Variants in PDE1A observed in about 807,000 individuals in gnomAD.
PDE1A encodes the protein dual specificity calcium/calmodulin-dependent 3',5'-cyclic nucleotide phosphodiesterase 1A.
PDE1A carries 35 observed loss-of-function variants against 61.7 expected under a neutral mutation model. The observed-to-expected ratio is 0.57, with a 90% CI of 0.43 to 0.75. PDE1A has a LOEUF of 0.75. Among genes scored for constraint, PDE1A ranks in the 30% least tolerant of loss-of-function variants. The pLI is 0.00. For synonymous variants in PDE1A, 232 were observed against 213.2 expected (o/e 1.09, Z -0.77); for missense variants, 597 against 630.6 (o/e 0.95, Z 0.57).
rs566381412 is a variant in PDE1A at position 182,418,884 on chromosome 2, A to C, written c.53+7694T>G. On this transcript the variant is annotated intron_variant, in intron 1 of 13. Coordinates refer to ENST00000351439, the Ensembl canonical transcript of PDE1A. ...AGATGCATGGAAAAGACCCACTGAT[A>C]TCAACCAAGCCTGGCACAAATCAGC... Among the ~76,000 whole-genome samples the C allele has an allele frequency of 1.1e-3, 162 of 152,260 alleles. No homozygotes were observed. The Middle Eastern group carries it at 0.02, about 19-fold the overall frequency.
intron 1 of PDE1A, among the ~76,000 whole-genome samples, chr2:182,408,383 C>T (rs1473324136): frequency 6.6e-6 from 1 of 152,148 alleles, no homozygotes; most frequent in Admixed American, 6.5e-5. Context: ...CAGAGCTTCA[C>T]TTTTAATTTC....
chr2:182,233,424 G>A (rs1689743106), intron 4 of PDE1A, among the ~76,000 whole-genome samples: 1 of 151,994 alleles, frequency 6.6e-6, no homozygotes, highest in African/African-American at 2.4e-5. Flanking sequence ...CTGACAGGAG[G>A]CAGAGAAACA....
downstream of PDE1A, among the ~76,000 whole-genome samples, chr2:182,144,805 T>G (rs2125257164): frequency 6.6e-6 from 1 of 152,310 alleles, no homozygotes; most frequent in Non-Finnish European, 1.5e-5. Context: ...TTCAAAAAAC[T>G]TTGGGCCAAT....
At chr2:182,668,617 AG>A in the PDE1A span, among the ~76,000 whole-genome samples, 1 of 152,142 alleles carries the variant, frequency 6.6e-6, no homozygotes. Context: ...AAGAACACTC[AG>A]GGGGCTGCAG....
the PDE1A span, among the ~76,000 whole-genome samples, chr2:182,538,292 AAGAG>A: frequency 6.6e-6 from 1 of 152,124 alleles, no homozygotes; most frequent in African/African-American, 2.4e-5. Context: ...CTCCCATGGC[AAGAG>A]AGACTGTGCC....
intron 2 of PDE1A, among the ~76,000 whole-genome samples, chr2:182,433,476 T>G (rs756901737): frequency 6.6e-6 from 1 of 152,102 alleles, no homozygotes; most frequent in Non-Finnish European, 1.5e-5. Flanking sequence ...TGTTCAAGTC[T>G]ACAGCCCTTG....
the PDE1A span, among the ~76,000 whole-genome samples, chr2:182,613,851 T>C: frequency 6.6e-6 from 1 of 152,192 alleles, no homozygotes; most frequent in South Asian, 2.1e-4. Flanking sequence ...ACAGTGATAC[T>C]CAACATCTTT....
chr2:182,335,888 C>G (rs1252916165), intron 1 of PDE1A, among the ~76,000 whole-genome samples: 1 of 152,028 alleles, frequency 6.6e-6, no homozygotes, highest in African/African-American at 2.4e-5. Flanking sequence ...GGCTAATATC[C>G]AGAATCTACA....
chr2:182,198,955 A>T (rs1018237526), intron 10 of PDE1A, among the ~76,000 whole-genome samples: 3 of 152,010 alleles, frequency 2.0e-5, no homozygotes, highest in African/African-American at 7.2e-5. Context: ...AATCGGAAAT[A>T]AGAATTAAAG....
chr2:182,686,592 T>C, the PDE1A span, among the ~76,000 whole-genome samples: 3 of 152,302 alleles, frequency 2.0e-5, no homozygotes, highest in East Asian at 5.8e-4. Context: ...AGTCTACAGC[T>C]CCCAGTGTGA....
chr2:182,306,482 AC>A (rs1468987821), intron 1 of PDE1A, among the ~76,000 whole-genome samples: 3 of 151,912 alleles, frequency 2.0e-5, no homozygotes, highest in Non-Finnish European at 2.9e-5. Flanking sequence ...GGAACCACAC[AC>A]ACACACACAC....
At chr2:182,293,290 C>A (rs1189059736) in intron 1 of PDE1A, among the ~76,000 whole-genome samples, 1 of 151,964 alleles carries the variant, frequency 6.6e-6, no homozygotes, top group Non-Finnish European at 1.5e-5. Flanking sequence ...AACGCAACAA[C>A]CCTTGTATCA....
rs530508602 is a variant in PDE1A at position 182,203,259 on chromosome 2, G to A, written c.903-1470C>T. Among the ~76,000 whole-genome samples the A allele has an allele frequency of 1.8e-4, 27 of 152,308 alleles. No homozygotes were observed. The East Asian group carries it at 1.9e-3, about 11-fold the overall frequency. On this transcript the variant is annotated intron_variant, in intron 8 of 13. Coordinates refer to ENST00000351439, the Ensembl canonical transcript of PDE1A. Reference sequence around the variant, plus strand: ...GTCATGAACTCAGGAGACAGAGCTTGCAGTGAGCCGAGATTGCACCACTGC... The same window carrying A: ...GTCATGAACTCAGGAGACAGAGCTTACAGTGAGCCGAGATTGCACCACTGC...
chr2:182,666,825 G>T, the PDE1A span, among the ~76,000 whole-genome samples: 3 of 152,110 alleles, frequency 2.0e-5, no homozygotes, highest in African/African-American at 7.2e-5. Flanking sequence ...AGTATAGCAG[G>T]TTTGGAGTGC....
the PDE1A span, among the ~76,000 whole-genome samples, chr2:182,625,110 T>C: frequency 6.6e-6 from 1 of 152,180 alleles, no homozygotes; most frequent in East Asian, 1.9e-4. Context: ...CCAGAGCTGC[T>C]TCTCTCTGCC....
At chr2:182,253,209 A>G (rs1691527810) in intron 2 of PDE1A, among the ~76,000 whole-genome samples, 1 of 152,236 alleles carries the variant, frequency 6.6e-6, no homozygotes, top group Non-Finnish European at 1.5e-5. Context: ...ATTTGGAGCA[A>G]GTCCAACCTA....
intron 2 of PDE1A, among the ~76,000 whole-genome samples, chr2:182,453,945 G>T (rs567295184): frequency 2.0e-5 from 3 of 151,800 alleles, no homozygotes; most frequent in African/African-American, 7.3e-5. Flanking sequence ...AGGAAATAAA[G>T]GGTATTCAAT....
intron 1 of PDE1A, among the ~76,000 whole-genome samples, chr2:182,379,056 A>C (rs13406145): frequency 0.057 from 8,748 of 152,262 alleles, 869 homozygotes; most frequent in African/African-American, 0.2. Context: ...AGATTATGTT[A>C]AGCAATTGAA....
chr2:182,264,867 G>GTACATATATACATA (rs1553560222), intron 1 of PDE1A, among the ~76,000 whole-genome samples: 16 of 34,148 alleles, frequency 4.7e-4, no homozygotes, highest in Non-Finnish European at 7.5e-4. Flanking sequence ...AGAAAATGTG[G>GTACATATATACATA]TATATATATA....
Sources: allele counts gnomAD v4.1 joint callset (sites outside exome capture counted in the v4.1 genomes callset), GRCh38; gene constraint gnomAD v4.1.1; transcripts MANE v1.5; gene names NCBI Gene and HGNC (gene_info 2026-07-23, HGNC 2026-07-21).